Variants in PSMG2 observed in about 807,000 individuals in gnomAD.
PSMG2 encodes proteasome assembly chaperone 2, also known as CD40 ligand-activated specific transcript 3.
In PSMG2, 21 loss-of-function variants were observed where a neutral mutation model predicts 31.5. The observed-to-expected ratio is 0.67, with a 90% CI of 0.47 to 0.96. PSMG2 has a LOEUF of 0.96. Ranked by LOEUF, PSMG2 falls within the 40% of genes least tolerant of loss-of-function variation. The pLI, the probability that PSMG2 is intolerant of heterozygous loss-of-function variation, is 0.00. For missense variants in PSMG2, 318 were observed against 321.2 expected (o/e 0.99, Z 0.08); for synonymous variants, 120 against 110.4 (o/e 1.09, Z -0.54).
chr18:12,668,463 T>C (rs374049677), intron 1 of PSMG2, among the ~76,000 whole-genome samples: 1 of 151,462 alleles, frequency 6.6e-6, no homozygotes, highest in East Asian at 2.0e-4. Flanking sequence ...TAGCTGGGCA[T>C]AGTGGTGTGC....
At chr18:12,716,926 A>G (rs2040381760) in intron 3 of PSMG2, among the ~76,000 whole-genome samples, 1 of 150,678 alleles carries the variant, frequency 6.6e-6, no homozygotes, top group Admixed American at 6.6e-5. Context: ...GCCTGGCTCC[A>G]GAGCTTGCCT....
chr18:12,678,311 G>A, intron 1 of PSMG2: 1 of 1,614,116 alleles, frequency 6.2e-7, no homozygotes. Flanking sequence ...GGTTTCTACT[G>A]CATCAGAGGG....
At chr18:12,695,319 T>C in intron 1 of PSMG2, 1 of 1,566,490 alleles carries the variant, frequency 6.4e-7, no homozygotes, top group Non-Finnish European at 8.7e-7. Context: ...AGTTTTATAT[T>C]TAAAATTCCC....
chr18:12,702,960 C>T, upstream of PSMG2: 3 of 860,062 alleles, frequency 3.5e-6, no homozygotes, highest in Non-Finnish European at 3.4e-6. Flanking sequence ...CGGCAGTTAG[C>T]TGGACGGGCC....
In PSMG2 at chr18:12,697,322, C is replaced by G. The variant is rs74943012; in HGVS notation, c.-36-9228C>G. 1.0e-3 allele frequency: 1,650 copies of G among 1,613,796 alleles called. 5 individuals carry two copies. The Middle Eastern group carries it at 0.01, about 10-fold the overall frequency. The stretch of plus-strand genomic sequence containing the variant: ...TATGATGCTACTAAAGTCGTCTCAC[C>G]AAATATGTCTGTTTTGATTAGCACC... On this transcript the variant is annotated intron_variant, in intron 1 of 6. Coordinates refer to the PSMG2 transcript ENST00000585331.
At chr18:12,661,287 G>A in intron 1 of PSMG2, 1 of 761,954 alleles carries the variant, frequency 1.3e-6, no homozygotes. Context: ...CAGCCTGGGT[G>A]ACAAGAGTGA....
At chr18:12,694,670 C>T (rs558852045) in intron 1 of PSMG2, among the ~76,000 whole-genome samples, 91 of 152,008 alleles carry the variant, frequency 6.0e-4, no homozygotes, top group Non-Finnish European at 1.2e-3. Flanking sequence ...TGAGGTTGCA[C>T]TTTACTCTTT....
intron 1 of PSMG2, among the ~76,000 whole-genome samples, chr18:12,676,768 T>C (rs1414892025): frequency 1.3e-5 from 2 of 152,176 alleles, no homozygotes; most frequent in Non-Finnish European, 2.9e-5. Flanking sequence ...CCAAAATGTA[T>C]GTTTAAATGC....
chr18:12,710,882 C>T (rs2040323144), intron 2 of PSMG2, among the ~76,000 whole-genome samples: 1 of 152,088 alleles, frequency 6.6e-6, no homozygotes, highest in African/African-American at 2.4e-5. Flanking sequence ...GGTGGATTGC[C>T]TGAGCTCAGG....
intron 3 of PSMG2, among the ~76,000 whole-genome samples, chr18:12,713,423 G>A (rs1329431390): frequency 6.6e-6 from 1 of 152,170 alleles, no homozygotes; most frequent in Non-Finnish European, 1.5e-5. Context: ...GCCTCCCTGT[G>A]CTGACTTCAA....
chr18:12,696,502 AAATAAT>A (rs35130356), intron 1 of PSMG2, among the ~76,000 whole-genome samples: 8,239 of 151,310 alleles, frequency 0.054, 678 homozygotes, highest in African/African-American at 0.18. Flanking sequence ...ACTCCATCTC[AAATAAT>A]AATAATAATA....
chr18:12,710,391 A>C (rs980723797), intron 2 of PSMG2, among the ~76,000 whole-genome samples: 3 of 152,196 alleles, frequency 2.0e-5, no homozygotes, highest in African/African-American at 7.2e-5. Context: ...GATCCTTTTC[A>C]GGCGTGTTAC....
intron 1 of PSMG2, among the ~76,000 whole-genome samples, chr18:12,692,685 G>A (rs1030998272): frequency 2.0e-5 from 3 of 152,114 alleles, no homozygotes; most frequent in African/African-American, 7.2e-5. Flanking sequence ...CTGACTTATT[G>A]TTTCTCCTGC....
At chr18:12,697,546 T>A in intron 1 of PSMG2, 1 of 613,140 alleles carries the variant, frequency 1.6e-6, no homozygotes, top group East Asian at 3.0e-5. Flanking sequence ...TCAGAAAGCA[T>A]GCAAAAAACT....
rs1160799385 is a variant in PSMG2, at chr18:12,693,786, AAAC to A, written c.-36-12761_-36-12759del. On this transcript the variant is annotated intron_variant, in intron 1 of 6. Coordinates refer to the PSMG2 transcript ENST00000585331. The stretch of plus-strand genomic sequence containing the variant: ...GACAGAGCGAGACTCTGTCTGAAAA[AAAC>A]AAACAAAAAAACCCCTCACGTATAC... Among the ~76,000 whole-genome samples, 5 of 152,148 alleles carry A rather than the reference AAAC, an allele frequency of 3.3e-5. No individual in the cohort carries two copies. In the East Asian group the frequency reaches 7.7e-4, roughly 23 times the overall value.
upstream of PSMG2, chr18:12,701,240 T>A (rs2040139657): frequency 6.1e-6 from 4 of 658,158 alleles, no homozygotes; most frequent in Non-Finnish European, 1.0e-5. Flanking sequence ...GGAACAAAGG[T>A]AAGCTTTTAA....
rs2040457817 is a variant in PSMG2, at chr18:12,724,505, T to A, written c.588T>A (p.Ser196=). Residue 196 remains serine (S), a synonymous_variant, in exon 6 of 7, where the codon TCT becomes TCA. Coordinates refer to ENST00000317615, the MANE Select transcript of PSMG2 (RefSeq NM_020232.5). The part of the protein sequence containing the change: ...ITKTLYDESC[S]KEIQMAVLLK... Reference sequence around the variant, plus strand: ...TTATTTTTATTTCTTGTAGCTGTTCTAAAGAAATCCAAATGGCAGTTCTGC... The same window carrying A: ...TTATTTTTATTTCTTGTAGCTGTTCAAAAGAAATCCAAATGGCAGTTCTGC... The A allele has an allele frequency of 6.2e-7, 1 of 1,603,638 alleles. No individual in the cohort carries two copies. Among genetic ancestry groups the A allele is most frequent in the Non-Finnish European group, 8.5e-7 (1 of 1,176,050 alleles).
At chr18:12,721,758 T>C (rs1013607962) in intron 5 of PSMG2, among the ~76,000 whole-genome samples, 1 of 152,162 alleles carries the variant, frequency 6.6e-6, no homozygotes, top group Non-Finnish European at 1.5e-5. Flanking sequence ...ATCTTTATTT[T>C]TTTCCGCTAG....
intron 1 of PSMG2, among the ~76,000 whole-genome samples, chr18:12,676,353 G>A (rs967786150): frequency 7.0e-6 from 1 of 141,880 alleles, no homozygotes; most frequent in African/African-American, 2.6e-5. Flanking sequence ...GCACAATCTC[G>A]GCTCACTGCA....
Sources: gnomAD v4.1 joint callset for allele counts (sites outside exome capture counted in the v4.1 genomes callset) on GRCh38, gnomAD v4.1.1 for gene constraint, MANE v1.5 for transcripts, NCBI Gene and HGNC (gene_info 2026-07-23, HGNC 2026-07-21) for gene names.